The following MAP4K3 variants were observed in gnomAD, a reference collection of about 807,000 sequenced individuals.
The protein encoded by MAP4K3 is mitogen-activated protein kinase kinase kinase kinase 3.
A neutral mutation model predicts 143.5 loss-of-function variants in MAP4K3; 94 were observed. The ratio of observed to expected loss-of-function variants is 0.65; its 90% confidence interval spans 0.55 to 0.78. MAP4K3 has a LOEUF of 0.78. Among genes scored for constraint, MAP4K3 ranks in the 30% least tolerant of loss-of-function variants. The pLI is 0.00. For missense variants in MAP4K3, 1,077 were observed against 1,068.1 expected, an observed-to-expected ratio of 1.01 and a Z score of -0.12; for synonymous variants, 416 against 347.2, an observed-to-expected ratio of 1.20 and a Z score of -2.20.
intron 1 of MAP4K3, among the ~76,000 whole-genome samples, chr2:39,392,694 G>A (rs1666700097): frequency 6.6e-6 from 1 of 152,188 alleles, no homozygotes; most frequent in Admixed American, 6.5e-5. Context: ...TGGGGTGATT[G>A]GGTCATAAGG....
chr2:39,408,215 A>C (rs1314523108), intron 1 of MAP4K3, among the ~76,000 whole-genome samples: 1 of 152,260 alleles, frequency 6.6e-6, no homozygotes, highest in Non-Finnish European at 1.5e-5. Context: ...AAAGTCAGGA[A>C]GTACCTTCTC....
At chr2:39,368,091 G>C (rs923028909) in intron 2 of MAP4K3, among the ~76,000 whole-genome samples, 2 of 152,102 alleles carry the variant, frequency 1.3e-5, no homozygotes, top group Non-Finnish European at 2.9e-5. Flanking sequence ...GGTTCTGATG[G>C]AAGGCCCAAA....
At chr2:39,293,350 T>A in intron 16 of MAP4K3, 82 bp from the exon 17 acceptor site, 1 of 916,812 alleles carries the variant, frequency 1.1e-6, no homozygotes, top group Non-Finnish European at 1.7e-6. Flanking sequence ...ATTTTAACCT[T>A]AACCATACAT....
At chr2:39,330,580 A>G (rs1275572639) in intron 8 of MAP4K3, among the ~76,000 whole-genome samples, 1 of 152,084 alleles carries the variant, frequency 6.6e-6, no homozygotes, top group Admixed American at 6.6e-5. Flanking sequence ...TAGAGAATTC[A>G]ACAGTCCAGG....
intron 22 of MAP4K3, among the ~76,000 whole-genome samples, chr2:39,282,310 CA>C (rs1329814251): frequency 6.6e-6 from 1 of 152,032 alleles, no homozygotes; most frequent in Non-Finnish European, 1.5e-5. Context: ...CCAGCCTGGC[CA>C]ACATGGTGAA....
At chr2:39,408,702 A>C (rs1667159930) in intron 1 of MAP4K3, among the ~76,000 whole-genome samples, 1 of 151,688 alleles carries the variant, frequency 6.6e-6, no homozygotes, top group Non-Finnish European at 1.5e-5. Flanking sequence ...TGGATCTTAG[A>C]GAAATTTAAG....
intron 23 of MAP4K3, among the ~76,000 whole-genome samples, chr2:39,279,159 CGA>C (rs1473452097): frequency 2.6e-5 from 4 of 152,050 alleles, no homozygotes; most frequent in African/African-American, 7.2e-5. Context: ...GAAAAGTGCC[CGA>C]TCTGTTTTTA....
Position 39,287,258 on chromosome 2 carries a change from G to A in MAP4K3, c.1475-294C>T, listed in dbSNP as rs923552518. Among the ~76,000 whole-genome samples, 4 of 151,590 alleles carry A rather than the reference G, an allele frequency of 2.6e-5. No homozygotes were observed. In the East Asian group the frequency reaches 5.8e-4, roughly 22 times the overall value. On this transcript the variant is annotated intron_variant, in intron 20 of 33. Transcript: ENST00000263881. ...AATTCATAACTACTTTTAGAAAAGGGGTGATTTATTATTATGTCATCCAAG... is the reference window on the plus strand; with the variant it reads ...AATTCATAACTACTTTTAGAAAAGGAGTGATTTATTATTATGTCATCCAAG...
intron 21 of MAP4K3, among the ~76,000 whole-genome samples, chr2:39,285,468 C>G (rs952707438): frequency 1.3e-5 from 2 of 152,098 alleles, no homozygotes; most frequent in African/African-American, 4.8e-5. Context: ...ATTATGTTAG[C>G]AGGTCTATTA....
intron 4 of MAP4K3, among the ~76,000 whole-genome samples, chr2:39,342,659 C>T (rs1053466594): frequency 6.6e-6 from 1 of 151,892 alleles, no homozygotes; most frequent in Non-Finnish European, 1.5e-5. Flanking sequence ...AAATTCTGAC[C>T]CAAATAGTCT....
At chr2:39,304,386 A>G (rs1682618640) in intron 15 of MAP4K3, among the ~76,000 whole-genome samples, 2 of 152,206 alleles carry the variant, frequency 1.3e-5, no homozygotes, top group Non-Finnish European at 2.9e-5. Context: ...TGAGGGCCAG[A>G]CATTCTGGAT....
chr2:39,382,737 TTCTGTA>T lies in MAP4K3; in HGVS notation c.97-4620_97-4615del, dbSNP rs556824259. Among the ~76,000 whole-genome samples, 72 of 152,340 alleles carry T rather than the reference TTCTGTA, an allele frequency of 4.7e-4. No individual in the cohort carries two copies. In the Middle Eastern group the frequency reaches 0.01, roughly 22 times the overall value. ...AAGCGATTAAGAATGGGACCCAGGA[TTCTGTA>T]TCTTAAGCTACTGAGGTACTGCTGA... On this transcript the variant is annotated intron_variant, in intron 1 of 33. Coordinates refer to ENST00000263881, the MANE Select transcript of MAP4K3 (RefSeq NM_003618.4).
rs145171599 is a variant in MAP4K3 at position 39,331,511 on chromosome 2, G to A, written c.530+406C>T. ...TTGATCCTATAGGCAACCAAGACAT[G>A]CCAAAAAGTTTTTAGCAAAGAGGTA... On this transcript the variant is annotated intron_variant, in intron 8 of 33. Coordinates refer to ENST00000263881, the MANE Select transcript of MAP4K3 (RefSeq NM_003618.4). 3.4e-4 allele frequency among the ~76,000 whole-genome samples: 52 copies of A among 152,164 alleles called. No individual in the cohort carries two copies. The East Asian group carries it at 6.2e-3, about 18-fold the overall frequency.
chr2:39,395,012 T>C (rs1046488011), intron 1 of MAP4K3, among the ~76,000 whole-genome samples: 1 of 152,132 alleles, frequency 6.6e-6, no homozygotes, highest in African/African-American at 2.4e-5. Flanking sequence ...AAGAGAATGA[T>C]TCCACTATGA....
chr2:39,392,028 A>G (rs1416288466), intron 1 of MAP4K3, among the ~76,000 whole-genome samples: 17 of 151,834 alleles, frequency 1.1e-4, no homozygotes, highest in Non-Finnish European at 2.9e-5. Flanking sequence ...TAAAAATACA[A>G]AAATTAGCTG....
chr2:39,289,053 A>C lies in MAP4K3; in HGVS notation c.1315-773T>G, dbSNP rs139020003. ...GGCGAAAGAGCGAGACTCCATCTCA[A>C]AACAAAACAAAACAAAAAAACAAAA... On this transcript the variant is annotated intron_variant, in intron 19 of 33. Transcript: ENST00000263881. Among the ~76,000 whole-genome samples the C allele has an allele frequency of 1.4e-3, 219 of 152,314 alleles. 1 individual carries two copies. Among genetic ancestry groups the C allele is most frequent in the African/African-American group, 5.0e-3 (209 of 41,578 alleles).
intron 12 of MAP4K3, among the ~76,000 whole-genome samples, chr2:39,324,494 C>T (rs1683423142): frequency 6.6e-6 from 1 of 152,082 alleles, no homozygotes; most frequent in African/African-American, 2.4e-5. Flanking sequence ...TTTTTAAGCT[C>T]CAAACTCTTT....
chr2:39,371,628 T>C (rs924954365), intron 2 of MAP4K3, among the ~76,000 whole-genome samples: 3 of 152,120 alleles, frequency 2.0e-5, no homozygotes, highest in Non-Finnish European at 2.9e-5. Flanking sequence ...CAATGATCTG[T>C]TGCCTACAAG....
chr2:39,322,616 GTA>G (rs1193439640), intron 12 of MAP4K3, among the ~76,000 whole-genome samples: 68 of 149,616 alleles, frequency 4.5e-4, no homozygotes, highest in East Asian at 2.4e-3. Flanking sequence ...GTGTGTGTGT[GTA>G]TATATGTATA....
Sources: allele counts gnomAD v4.1 joint callset (sites outside exome capture counted in the v4.1 genomes callset), GRCh38; gene constraint gnomAD v4.1.1; transcripts MANE v1.5; gene names NCBI Gene and HGNC (gene_info 2026-07-23, HGNC 2026-07-21).